NFIA: variants seen among roughly 807,000 people sequenced by gnomAD.
The protein encoded by NFIA is nuclear factor 1 A-type.
NFIA carries 8 observed loss-of-function variants against 62.8 expected under a neutral mutation model. That is an observed-to-expected ratio of 0.13 (90% CI 0.07 to 0.23). The LOEUF is 0.23. Ranked by LOEUF, NFIA falls within the 10% of genes least tolerant of loss-of-function variation. The pLI, the probability that NFIA is intolerant of heterozygous loss-of-function variation, is 1.00. For missense variants in NFIA, 410 were observed against 642.1 expected (o/e 0.64, Z 3.91); for synonymous variants, 235 against 238.1 (o/e 0.99, Z 0.12).
intron 3 of NFIA, among the ~76,000 whole-genome samples, chr1:61,301,422 A>G (rs1659490357): frequency 6.6e-6 from 1 of 152,172 alleles, no homozygotes; most frequent in African/African-American, 2.4e-5. Context: ...GATTTTAAAT[A>G]TTTCTCACAG....
At chr1:61,178,998 T>C (rs1445490128) in intron 2 of NFIA, among the ~76,000 whole-genome samples, 1 of 152,226 alleles carries the variant, frequency 6.6e-6, no homozygotes, top group East Asian at 1.9e-4. Context: ...ACTCCTTGTC[T>C]TTCACTAGTT....
At chr1:61,159,757 T>C (rs372854824) in intron 2 of NFIA, among the ~76,000 whole-genome samples, 40 of 150,444 alleles carry the variant, frequency 2.7e-4, no homozygotes, top group African/African-American at 9.5e-4. Flanking sequence ...TCTCGGCTCA[T>C]TGCAACCTCT....
Position 61,338,605 on chromosome 1 carries a change from A to AT in NFIA, c.700+6020dup, listed in dbSNP as rs1394273185. ...ACTATTGGCAATATTCTAACCTGAC[A>AT]TGGTGGAACTTCTAAGACAGAATGA... On this transcript the variant is annotated intron_variant, in intron 4 of 10. Coordinates refer to ENST00000403491, the MANE Select transcript of NFIA (RefSeq NM_001134673.4). Among the ~76,000 whole-genome samples, 4 of 152,346 alleles carry AT rather than the reference A, an allele frequency of 2.6e-5. 1 individual carries two copies. The highest frequency in any genetic ancestry group is 2.4e-5 in the African/African-American group (1 of 41,584).
chr1:61,272,921 G>A (rs1657600885), intron 2 of NFIA, among the ~76,000 whole-genome samples: 1 of 152,148 alleles, frequency 6.6e-6, no homozygotes, highest in South Asian at 2.1e-4. Context: ...ATTTAAAACT[G>A]GACATAAAAT....
upstream of NFIA, chr1:61,077,674 G>A (rs1646048351): frequency 2.2e-6 from 3 of 1,360,822 alleles, no homozygotes; most frequent in Admixed American, 8.3e-5. Flanking sequence ...TATATGATAT[G>A]CGTTTTATAA....
intron 10 of NFIA, among the ~76,000 whole-genome samples, chr1:61,434,812 G>A (rs1348401723): frequency 6.6e-6 from 1 of 152,116 alleles, no homozygotes; most frequent in Non-Finnish European, 1.5e-5. Context: ...TAGAGAAGGG[G>A]AAGGTAAAAA....
chr1:61,136,391 C>T (rs1321708355), intron 2 of NFIA, among the ~76,000 whole-genome samples: 1 of 152,130 alleles, frequency 6.6e-6, no homozygotes, highest in South Asian at 2.1e-4. Context: ...AATGGTGCTC[C>T]CTGAAACATC....
chr1:61,085,557 A>C (rs528125133), intron 1 of NFIA, among the ~76,000 whole-genome samples: 1 of 152,160 alleles, frequency 6.6e-6, no homozygotes, highest in East Asian at 1.9e-4. Flanking sequence ...ATGAATTATA[A>C]GGGCACACTA....
chr1:61,329,951 A>T (rs1461424243), intron 3 of NFIA, among the ~76,000 whole-genome samples: 3 of 152,178 alleles, frequency 2.0e-5, no homozygotes, highest in Admixed American at 2.0e-4. Flanking sequence ...CAGGAGGGTG[A>T]TGGAGACATA....
intron 2 of NFIA, among the ~76,000 whole-genome samples, chr1:61,130,069 T>C (rs968480120): frequency 1.3e-5 from 2 of 152,160 alleles, no homozygotes; most frequent in East Asian, 3.9e-4. Context: ...CTAAAGTCAA[T>C]GTCAGTGATT....
rs545305562 is a variant in NFIA, at chr1:61,402,108, G to T, written c.1076-1996G>T. On this transcript the variant is annotated intron_variant, in intron 7 of 10. Coordinates refer to ENST00000403491, the MANE Select transcript of NFIA (RefSeq NM_001134673.4). Reference sequence around the variant, plus strand: ...GCTAGAGTGCAGTGGCGCGATCTCGGCTCATTGCAAGATCCGCCTCCCAGG... The same window carrying T: ...GCTAGAGTGCAGTGGCGCGATCTCGTCTCATTGCAAGATCCGCCTCCCAGG... Among the ~76,000 whole-genome samples, 5 of 141,484 alleles carry T rather than the reference G, an allele frequency of 3.5e-5. No individual in the cohort carries two copies. The East Asian group carries it at 1.1e-3, about 32-fold the overall frequency. The allele number at this position is 141,484 out of a possible 152,430, so 92.8% of individuals were successfully genotyped here.
At chr1:61,134,276 G>A (rs1647138075) in intron 2 of NFIA, among the ~76,000 whole-genome samples, 1 of 148,934 alleles carries the variant, frequency 6.7e-6, no homozygotes, top group South Asian at 2.1e-4. Context: ...GTGTGTGTGT[G>A]TGTGTGTGTG....
chr1:61,204,210 GTC>G (rs1652742653), intron 2 of NFIA, among the ~76,000 whole-genome samples: 1 of 152,146 alleles, frequency 6.6e-6, no homozygotes, highest in Admixed American at 6.5e-5. Context: ...CTTCTTATTA[GTC>G]TGTGGTCTTA....
At chr1:61,084,467 G>C (rs1036981446) in intron 1 of NFIA, among the ~76,000 whole-genome samples, 1 of 149,790 alleles carries the variant, frequency 6.7e-6, no homozygotes, top group Admixed American at 6.6e-5. Flanking sequence ...TCCTATTTTA[G>C]TAACTTGTGG....
chr1:61,327,402 C>T (rs1301327095), intron 3 of NFIA, among the ~76,000 whole-genome samples: 2 of 151,832 alleles, frequency 1.3e-5, no homozygotes, highest in Non-Finnish European at 2.9e-5. Flanking sequence ...TTTAATCCGT[C>T]ACTCCCTACA....
intron 1 of NFIA, among the ~76,000 whole-genome samples, chr1:61,084,980 A>C (rs1646194189): frequency 6.6e-6 from 1 of 152,280 alleles, no homozygotes; most frequent in South Asian, 2.1e-4. Context: ...GAAAATGTAC[A>C]ATAAATAGTG....
chr1:61,170,412 C>G (rs1299161017), intron 2 of NFIA, among the ~76,000 whole-genome samples: 1 of 152,172 alleles, frequency 6.6e-6, no homozygotes, highest in African/African-American at 2.4e-5. Context: ...CTGTAGGGCT[C>G]TTGGGCAAAT....
chr1:61,082,073 G>A, upstream of NFIA: 11 of 1,534,496 alleles, frequency 7.2e-6, no homozygotes, highest in Non-Finnish European at 9.6e-6. Context: ...CAGCGGGGGT[G>A]GGGGGATGGG....
intron 10 of NFIA, among the ~76,000 whole-genome samples, chr1:61,446,507 C>G (rs1253411563): frequency 2.0e-5 from 3 of 152,088 alleles, no homozygotes; most frequent in South Asian, 4.2e-4. Flanking sequence ...CTAGAAAGAC[C>G]AGGAACAGTG....
Sources: allele counts gnomAD v4.1 joint callset (sites outside exome capture counted in the v4.1 genomes callset), GRCh38; gene constraint gnomAD v4.1.1; transcripts MANE v1.5; gene names NCBI Gene and HGNC (gene_info 2026-07-23, HGNC 2026-07-21).